HELB: variants seen among roughly 807,000 people sequenced by gnomAD.
HELB encodes DNA 5'-3' helicase B.
A neutral mutation model predicts 101.7 loss-of-function variants in HELB; 96 were observed. The ratio of observed to expected loss-of-function variants is 0.94; its 90% CI spans 0.80 to 1.12. The LOEUF is 1.12. Among genes scored for constraint, HELB ranks in the 50% most tolerant of loss-of-function variants. The pLI is 0.00. For missense variants in HELB, 1,210 were observed against 1,291.9 expected, an observed-to-expected ratio of 0.94 and a Z score of 0.97; for synonymous variants, 437 against 459.7, an observed-to-expected ratio of 0.95 and a Z score of 0.63.
In HELB at chr12:66,302,782, GC is replaced by G. The variant is rs773361018; in HGVS notation, c.181del (p.Leu61SerfsTer22). On this transcript the variant is annotated frameshift_variant, in exon 1 of 13. Coordinates refer to ENST00000247815, the MANE Select transcript of HELB (RefSeq NM_001370285.1). LOFTEE classifies it high-confidence loss of function. ...GTAAAGGCTGGCAGCCTCCCCGGGT[GC>G]CTCCGCGGTGAGGAAGGCGTCTGCC... ...GGVKAGSLPG[C>X]LRVSICDENT... 6.2e-7 allele frequency: 1 copy of G among 1,608,232 alleles called. No homozygotes were observed. The highest frequency in any genetic ancestry group is 1.3e-5 in the African/African-American group (1 of 74,826).
intron 12 of HELB, among the ~76,000 whole-genome samples, chr12:66,333,352 A>T (rs1460384310): frequency 6.6e-6 from 1 of 152,136 alleles, no homozygotes; most frequent in African/African-American, 2.4e-5. Flanking sequence ...GAGGATGTAG[A>T]TAATGCAAAG....
At chr12:66,314,771 T>A (rs1395966949) in intron 5 of HELB, among the ~76,000 whole-genome samples, 1 of 152,166 alleles carries the variant, frequency 6.6e-6, no homozygotes, top group Non-Finnish European at 1.5e-5. Flanking sequence ...CAGTACATGT[T>A]TTTCTTATAT....
Position 66,314,221 on chromosome 12 carries a change from G to T in HELB, c.1858+58G>T, listed in dbSNP as rs1257572400. ...TATTTCAAAGTATTGTGGTTAGTTG[G>T]TTGTTTACACCATTTAGTTGGTTGT... On this transcript the variant is annotated intron_variant, in intron 5 of 12. Coordinates refer to ENST00000247815, the MANE Select transcript of HELB (RefSeq NM_001370285.1). The T allele has an allele frequency of 6.9e-6, 10 of 1,459,506 alleles. No homozygotes were observed. In the African/African-American group the frequency reaches 8.4e-5, roughly 12 times the overall value. 90.4% of individuals were successfully genotyped at this position (1,459,506 alleles called of 1,614,324 possible). A position where few individuals can be genotyped will look rare whatever the true frequency, so the allele number is the denominator to read the frequency against.
chr12:66,319,412 A>G (rs1439767877), intron 7 of HELB, among the ~76,000 whole-genome samples: 1 of 152,214 alleles, frequency 6.6e-6, no homozygotes, highest in Admixed American at 6.5e-5. Flanking sequence ...TGGGAACCAT[A>G]GTGGAACTCC....
intron 11 of HELB, among the ~76,000 whole-genome samples, chr12:66,330,598 A>G (rs1415176740): frequency 6.7e-6 from 1 of 148,174 alleles, no homozygotes; most frequent in Non-Finnish European, 1.5e-5. Flanking sequence ...TGGTTTTTAA[A>G]ATGTGGCTTT....
chr12:66,337,937 G>C, intron 12 of HELB, 64 bp from the exon 13 acceptor site: 1 of 905,218 alleles, frequency 1.1e-6, no homozygotes, highest in East Asian at 2.4e-5. Context: ...GGGAATACAA[G>C]TACGTAGGGT....
At chr12:66,317,998 G>A (rs946230549) in intron 6 of HELB, among the ~76,000 whole-genome samples, 17 of 151,994 alleles carry the variant, frequency 1.1e-4, no homozygotes, top group Admixed American at 7.2e-4. Flanking sequence ...TGCTAGCCTC[G>A]GAAAATATAA....
chr12:66,314,006 A>C lies in HELB; in HGVS notation c.1701A>C (p.Ser567=). 2 of 1,613,774 alleles carry C rather than the reference A, an allele frequency of 1.2e-6. No individual in the cohort carries two copies. Among genetic ancestry groups the C allele is most frequent in the Non-Finnish European group, 1.7e-6 (2 of 1,179,738 alleles). ...TLCQVNYSFY[S]WTQTMMTTNK... ...TGTAGGTCAATTATAGCTTCTATTC[A>C]TGGACTCAAACAATGATGACCACAA... The change falls in exon 5 of 13, where the codon TCA becomes TCC. Residue 567 remains serine (S), a synonymous_variant. Coordinates refer to ENST00000247815, the MANE Select transcript of HELB (RefSeq NM_001370285.1).
intron 8 of HELB, 130 bp from the exon 9 acceptor site, chr12:66,322,594 G>T: frequency 4.1e-6 from 2 of 485,662 alleles, no homozygotes; most frequent in Non-Finnish European, 7.3e-6. Context: ...ATAAAAAGTA[G>T]AAAAATACTA....
rs776770162 is a variant in HELB at position 66,310,125 on chromosome 12, T to A, written c.1197T>A (p.Asp399Glu). The A allele has an allele frequency of 3.1e-6, 5 of 1,614,240 alleles. No homozygotes were observed. The highest frequency in any genetic ancestry group is 4.2e-6 in the Non-Finnish European group (5 of 1,180,042). ...CCACAAAACCTGAGAATTCAAGCGA[T>A]GATGCATTGAATGAGAGCAAACCTG... ...IHTTKPENSS[D>E]DALNESKPDE... The change falls in exon 4 of 13, where the codon GAT (aspartate) becomes GAA (glutamate). Residue 399 changes from aspartate to glutamate, a missense_variant. By Grantham distance (45) the Asp-to-Glu change is conservative. This residue lies in a region of HELB where 470 missense variants were observed against 563.1 expected (regional missense o/e 0.83). Transcript: ENST00000247815.
chr12:66,328,144 G>A (rs771927157), intron 11 of HELB, among the ~76,000 whole-genome samples: 1 of 152,162 alleles, frequency 6.6e-6, no homozygotes, highest in Admixed American at 6.5e-5. Context: ...GGATGGTGGG[G>A]CCAGGTCACC....
chr12:66,327,539 GGTTGAGGTTGGAGTAGATATCT>G (rs2053755683), intron 11 of HELB, among the ~76,000 whole-genome samples: 1 of 146,202 alleles, frequency 6.8e-6, no homozygotes, highest in African/African-American at 2.5e-5. Flanking sequence ...ATTATTACTG[GGTTGAGGTTGGAGTAGATATCT>G]TTCTGGTTAT....
In HELB at chr12:66,324,173, G is replaced by T; in HGVS notation, c.2488G>T (p.Val830Phe). The T allele has an allele frequency of 6.2e-7, 1 of 1,613,510 alleles. No individual in the cohort carries two copies. Among genetic ancestry groups the T allele is most frequent in the Non-Finnish European group, 8.5e-7 (1 of 1,179,634 alleles). Reference sequence around the variant, plus strand: ...AAATAAGCGTGACTTTGAAAGTAACGTTCGACTGTGCAATGGAGAGATATT... The same window carrying T: ...AAATAAGCGTGACTTTGAAAGTAACTTTCGACTGTGCAATGGAGAGATATT... ...AKNKRDFESN[V>F]RLCNGEIFFI... Residue 830 changes from valine to phenylalanine, a missense_variant, in exon 10 of 13, where the codon GTT (valine) becomes TTT (phenylalanine). Val to Phe is a conservative substitution (Grantham distance 50). This residue lies in a region of HELB where 740 missense variants were observed against 728.8 expected (regional missense o/e 1.02). Transcript: ENST00000247815.
rs762390862 is a variant in HELB at position 66,310,500 on chromosome 12, T to G, written c.1572T>G (p.Ser524Arg). ...AATGGATTACCTTTACTGAGCAAAG[T>G]CAACTAGAGGCGGACAAGGCTATAG... is the stretch of plus-strand genomic sequence containing the variant. The part of the protein sequence containing the change: ...SEEWITFTEQ[S>R]QLEADKAIEV... Residue 524 changes from serine to arginine, a missense_variant, in exon 4 of 13, where the codon AGT becomes AGG. Physicochemically the swap from Ser to Arg is moderately radical, Grantham distance 110. This residue lies in a region of HELB where 740 missense variants were observed against 728.8 expected (regional missense o/e 1.02). Transcript: ENST00000247815. 1 of 1,614,104 alleles carries G rather than the reference T, an allele frequency of 6.2e-7. No homozygotes were observed.
intron 2 of HELB, 81 bp from the exon 3 acceptor site, chr12:66,306,263 GT>G: frequency 9.1e-7 from 1 of 1,097,446 alleles, no homozygotes; most frequent in Non-Finnish European, 1.3e-6. Context: ...TGAATCGGTT[GT>G]GCAAAATGAG....
rs1366836061 is a variant in HELB, at chr12:66,331,492, C to G, written c.3009C>G (p.Ala1003=). 2 of 1,614,158 alleles carry G rather than the reference C, an allele frequency of 1.2e-6. No homozygotes were observed. The highest frequency in any genetic ancestry group is 2.2e-5 in the East Asian group (1 of 44,874). Residue 1003 remains alanine (A), a synonymous_variant, in exon 12 of 13, where the codon GCC becomes GCG. Coordinates refer to ENST00000247815, the MANE Select transcript of HELB (RefSeq NM_001370285.1). The part of the protein sequence containing the change: ...AMTNDVTWSE[A]SSPDERTLTF... ...CAAATGATGTCACCTGGAGCGAGGC[C>G]TCTTCGCCTGATGAGAGGACACTCA... is the stretch of plus-strand genomic sequence containing the variant.
At chr12:66,319,994 T>TA (rs199708642) in intron 7 of HELB, among the ~76,000 whole-genome samples, 2,097 of 150,228 alleles carry the variant, frequency 0.014, 25 homozygotes, top group Non-Finnish European at 0.022. Flanking sequence ...AGGAAAAGAT[T>TA]AAAAAAAAAT....
chr12:66,319,759 GC>G (rs1400190417), intron 7 of HELB, among the ~76,000 whole-genome samples: 1 of 151,966 alleles, frequency 6.6e-6, no homozygotes, highest in East Asian at 1.9e-4. Context: ...TCATCTGTCA[GC>G]CTTTTCCCCT....
rs1191114721 is a variant in HELB, at chr12:66,309,916, G to A, written c.988G>A (p.Ala330Thr). Residue 330 changes from alanine (A) to threonine (T), a missense_variant, in exon 4 of 13, where the codon GCT (alanine) becomes ACT (threonine). Around this residue, in one of 2 missense-constraint regions of HELB, gnomAD observed 470 missense variants for 563.1 expected, o/e 0.83. Transcript: ENST00000247815. ...LTLSNHMSFH[A>T]ASESLKFLKD... ...ATTGTCAAATCATATGTCATTTCAT[G>A]CTGCTTCAGAGTCTCTGAAGTTTTT... 6.2e-6 allele frequency: 10 copies of A among 1,614,038 alleles called. No individual in the cohort carries two copies. Among genetic ancestry groups the A allele is most frequent in the African/African-American group, 1.3e-5 (1 of 74,948 alleles).
Sources: allele counts gnomAD v4.1 joint callset (sites outside exome capture counted in the v4.1 genomes callset), GRCh38; gene constraint gnomAD v4.1.1; regional missense constraint gnomAD v4.1.1; transcripts MANE v1.5; gene names NCBI Gene and HGNC (gene_info 2026-07-23, HGNC 2026-07-21).